RFT1: variants seen among roughly 807,000 people sequenced by gnomAD.
RFT1 encodes the protein RFT1 glycolipid translocator homolog.
A neutral mutation model predicts 62.2 loss-of-function variants in RFT1; 43 were observed. That is an observed-to-expected ratio of 0.69 (90% CI 0.54 to 0.89). RFT1 has a LOEUF of 0.89. Ranked by LOEUF, RFT1 falls within the 40% of genes least tolerant of loss-of-function variation. The probability of loss-of-function intolerance (pLI) is 0.00; values close to 1 mark genes in which losing one functional copy is unlikely to be tolerated. For missense variants in RFT1, 605 were observed against 649.9 expected, an observed-to-expected ratio of 0.93 and a Z score of 0.75; for synonymous variants, 262 against 264.6, an observed-to-expected ratio of 0.99 and a Z score of 0.10.
chr3:53,122,147 T>C (rs914770987), intron 4 of RFT1, among the ~76,000 whole-genome samples: 2 of 152,180 alleles, frequency 1.3e-5, no homozygotes, highest in Non-Finnish European at 2.9e-5. Context: ...TAATAAATTA[T>C]TAGCAAATCT....
intron 8 of RFT1, 143 bp from the exon 9 acceptor site, chr3:53,105,946 A>T (rs1701459060): frequency 2.3e-6 from 2 of 879,334 alleles, no homozygotes; most frequent in Non-Finnish European, 3.3e-6. Flanking sequence ...ATAAGAAGTA[A>T]TAGTGGCCAG....
intron 7 of RFT1, among the ~76,000 whole-genome samples, chr3:53,107,533 C>T (rs73088327): frequency 0.26 from 39,549 of 151,430 alleles, 5,556 homozygotes; most frequent in Middle Eastern, 0.39. Flanking sequence ...ATAATCTGAG[C>T]GTAAATTATC....
intron 1 of RFT1, among the ~76,000 whole-genome samples, chr3:53,127,711 G>C (rs577856696): frequency 1.1e-3 from 170 of 151,768 alleles, no homozygotes; most frequent in Non-Finnish European, 1.7e-3. Context: ...AAAGGTAGGA[G>C]GATCACTTGA....
At chr3:53,120,232 G>A (rs964696577) in intron 5 of RFT1, among the ~76,000 whole-genome samples, 2 of 152,068 alleles carry the variant, frequency 1.3e-5, no homozygotes, top group African/African-American at 4.8e-5. Flanking sequence ...TCACTTAACT[G>A]GAAGAACATA....
At chr3:53,073,292 C>A in the RFT1 span, among the ~76,000 whole-genome samples, 1 of 152,252 alleles carries the variant, frequency 6.6e-6, no homozygotes, top group Non-Finnish European at 1.5e-5. Flanking sequence ...GACTGCGCAC[C>A]AGCATCTGTG....
At chr3:53,117,442 C>T (rs1191782253) in intron 6 of RFT1, among the ~76,000 whole-genome samples, 1 of 152,134 alleles carries the variant, frequency 6.6e-6, no homozygotes, top group African/African-American at 2.4e-5. Context: ...TCCCTGAGGC[C>T]CAGGAATCAC....
intron 6 of RFT1, among the ~76,000 whole-genome samples, chr3:53,117,718 G>T (rs558136178): frequency 6.6e-6 from 1 of 152,276 alleles, no homozygotes; most frequent in East Asian, 1.9e-4. Context: ...TGTGACGGTG[G>T]TGATATCGGT....
intron 1 of RFT1, among the ~76,000 whole-genome samples, chr3:53,129,685 T>G (rs533575200): frequency 6.6e-6 from 1 of 152,152 alleles, no homozygotes; most frequent in Non-Finnish European, 1.5e-5. Flanking sequence ...AGAAGGGAAG[T>G]GACTTGTCCA....
At chr3:53,070,603 A>G in the RFT1 span, among the ~76,000 whole-genome samples, 1 of 151,812 alleles carries the variant, frequency 6.6e-6, no homozygotes, top group Non-Finnish European at 1.5e-5. Context: ...AGGTTCCACC[A>G]TGTTGGCCAG....
At chr3:53,118,285 A>C (rs1701865271) in intron 6 of RFT1, among the ~76,000 whole-genome samples, 1 of 152,174 alleles carries the variant, frequency 6.6e-6, no homozygotes, top group African/African-American at 2.4e-5. Flanking sequence ...GGGGAAGAAG[A>C]ACTCTTCTGC....
chr3:53,121,671 A>C (rs756658334), intron 5 of RFT1, 28 bp downstream of exon 5: 3 of 1,544,608 alleles, frequency 1.9e-6, no homozygotes, highest in Non-Finnish European at 1.8e-6. Flanking sequence ...CAAAGATCAT[A>C]TAAAAAGTTA....
chr3:53,130,232 A>ACC, intron 1 of RFT1, 106 bp downstream of exon 1: 1 of 1,135,176 alleles, frequency 8.8e-7, no homozygotes, highest in Non-Finnish European at 1.3e-6. Flanking sequence ...TGCGGGGTCC[A>ACC]CCTCGGGACT....
intron 6 of RFT1, among the ~76,000 whole-genome samples, chr3:53,115,181 A>G (rs1701757838): frequency 1.3e-5 from 2 of 152,124 alleles, no homozygotes; most frequent in South Asian, 4.1e-4. Context: ...TTGCAGGTTC[A>G]GGCTTTGGAG....
chr3:53,070,197 C>T, the RFT1 span, among the ~76,000 whole-genome samples: 1 of 152,078 alleles, frequency 6.6e-6, no homozygotes, highest in Non-Finnish European at 1.5e-5. Context: ...AGGAGGATAG[C>T]TTGAGCCCAG....
chr3:53,085,589 T>C (rs1400721126), downstream of RFT1, among the ~76,000 whole-genome samples: 1 of 152,208 alleles, frequency 6.6e-6, no homozygotes, highest in East Asian at 1.9e-4. Context: ...TATACGATTG[T>C]GTTCAACATG....
intron 10 of RFT1, among the ~76,000 whole-genome samples, chr3:53,099,900 T>C (rs1701265421): frequency 6.6e-6 from 1 of 152,026 alleles, no homozygotes; most frequent in Admixed American, 6.5e-5. Flanking sequence ...GGTGGGAGGA[T>C]CACCTGAGTC....
At chr3:53,127,578 G>C (rs1293218148) in intron 1 of RFT1, among the ~76,000 whole-genome samples, 3 of 151,604 alleles carry the variant, frequency 2.0e-5, no homozygotes, top group Non-Finnish European at 4.4e-5. Context: ...GCAGGTGCCT[G>C]TAAGTCCCAG....
At chr3:53,084,487 G>A (rs1575473709), downstream of RFT1, among the ~76,000 whole-genome samples, 1 of 152,180 alleles carries the variant, frequency 6.6e-6, no homozygotes, top group African/African-American at 2.4e-5. Context: ...AGGGTGTCAG[G>A]ATCTCCCAGA....
chr3:53,130,271 G>A, intron 1 of RFT1, 67 bp downstream of exon 1: 1 of 1,478,560 alleles, frequency 6.8e-7, no homozygotes, highest in Non-Finnish European at 9.2e-7. Flanking sequence ...GCTCTCAAGG[G>A]CCCAAGGGCT....
Sources: gnomAD v4.1 joint callset for allele counts (sites outside exome capture counted in the v4.1 genomes callset) on GRCh38, gnomAD v4.1.1 for gene constraint, MANE v1.5 for transcripts, NCBI Gene and HGNC (gene_info 2026-07-23, HGNC 2026-07-21) for gene names.